The following KIF11 variants were observed in gnomAD, a reference collection of about 807,000 sequenced individuals.
KIF11 encodes the protein kinesin-like protein KIF11.
Under a neutral mutation model 121.0 loss-of-function variants are expected in KIF11, and 9 were observed. The ratio of observed to expected loss-of-function variants is 0.07; its 90% CI spans 0.04 to 0.13. The LOEUF (loss-of-function observed/expected upper bound fraction) is 0.13, where lower values mean the gene tolerates loss of function less well. KIF11 is among the 10% of genes least tolerant of loss of function. The pLI is 1.00. For synonymous variants in KIF11, 408 were observed against 421.0 expected (o/e 0.97, Z 0.38); for missense variants, 846 against 1,217.5 (o/e 0.69, Z 4.54).
rs1844907224 is a variant in KIF11 at position 92,645,349 on chromosome 10, C to T, written c.2268-14C>T. 6.3e-7 allele frequency: 1 copy of T among 1,579,566 alleles called. No homozygotes were observed. Among genetic ancestry groups the T allele is most frequent in the African/African-American group, 1.4e-5 (1 of 73,734 alleles). The stretch of plus-strand genomic sequence containing the variant: ...AATTCCCCATTTCAACAGTGTCATT[C>T]TCTTTTCCTATAGGAAATCTAAGGA... On this transcript the variant is annotated splice_polypyrimidine_tract_variant and intron_variant, in intron 17 of 21. Coordinates refer to ENST00000260731, the MANE Select transcript of KIF11 (RefSeq NM_004523.4).
At chr10:92,603,447 G>C (rs1299852083) in intron 1 of KIF11, among the ~76,000 whole-genome samples, 1 of 151,248 alleles carries the variant, frequency 6.6e-6, no homozygotes, top group Non-Finnish European at 1.5e-5. Flanking sequence ...TTTCACCCAG[G>C]CTGGAGTGTA....
chr10:92,617,938 C>T (rs958367257), intron 9 of KIF11, among the ~76,000 whole-genome samples: 6 of 152,116 alleles, frequency 3.9e-5, no homozygotes, highest in Non-Finnish European at 8.8e-5. Context: ...TGGGGTTTCA[C>T]CATGTTGGCC....
intron 18 of KIF11, among the ~76,000 whole-genome samples, chr10:92,646,043 C>G (rs1844915288): frequency 6.6e-6 from 1 of 151,556 alleles, no homozygotes; most frequent in Non-Finnish European, 1.5e-5. Flanking sequence ...CCTCCGCCTC[C>G]CAAGTTCAAG....
At chr10:92,607,109 TC>T in intron 3 of KIF11, 49 bp from the exon 4 acceptor site, 1 of 1,064,800 alleles carries the variant, frequency 9.4e-7, no homozygotes, top group Non-Finnish European at 1.5e-6. Context: ...TCACTAAGAG[TC>T]ATATGGGTGC....
At position 92,613,721 on chromosome 10, in the gene KIF11, C is replaced by G; in HGVS notation, c.1032+102C>G. The stretch of plus-strand genomic sequence containing the variant: ...TTACTAGGATGGACACAGTGACTCA[C>G]ACCTGTAAACCCAGCACTTTGGAAG... On this transcript the variant is annotated intron_variant, in intron 8 of 21. Coordinates refer to ENST00000260731, the MANE Select transcript of KIF11 (RefSeq NM_004523.4). This position sits in a 1 kb window ranked among gnomAD's most constrained non-coding sequence, Gnocchi z 4.2. 8.8e-7 allele frequency: 1 copy of G among 1,133,188 alleles called. No homozygotes were observed. The highest frequency in any genetic ancestry group is 1.6e-5 in the African/African-American group (1 of 63,740). 70.2% of individuals were successfully genotyped at this position (1,133,188 alleles called of 1,614,324 possible).
intron 6 of KIF11, among the ~76,000 whole-genome samples, chr10:92,609,814 G>A (rs1844474971): frequency 6.6e-6 from 1 of 152,026 alleles, no homozygotes; most frequent in South Asian, 2.1e-4. Flanking sequence ...TTGACTCACT[G>A]CAACCTCTGC....
chr10:92,640,970 ACTC>A (rs1455375346), intron 17 of KIF11, among the ~76,000 whole-genome samples: 1 of 140,132 alleles, frequency 7.1e-6, no homozygotes, highest in Non-Finnish European at 1.5e-5. Flanking sequence ...CTGATCTTGA[ACTC>A]CTGGTCTCAA....
At chr10:92,622,092 A>G (rs534898706) in intron 10 of KIF11, among the ~76,000 whole-genome samples, 1 of 152,066 alleles carries the variant, frequency 6.6e-6, no homozygotes, top group South Asian at 2.1e-4. Context: ...TCTGACCAAC[A>G]TGGAGAAACC....
At chr10:92,607,926 G>A (rs557509492) in intron 4 of KIF11, among the ~76,000 whole-genome samples, 3 of 151,800 alleles carry the variant, frequency 2.0e-5, no homozygotes, top group African/African-American at 7.2e-5. Flanking sequence ...AGGCTGAGGC[G>A]GGCAGATCAC....
rs184451282 is a variant in KIF11, at chr10:92,625,851, C to T, written c.1218-2957C>T. ...AATAGCCACAAAAACAGTAAAATAC[C>T]TAGGAATACAACTAACCAGAGAGGT... On this transcript the variant is annotated intron_variant, in intron 10 of 21. Transcript: ENST00000260731. Among the ~76,000 whole-genome samples, 290 of 152,146 alleles carry T rather than the reference C, an allele frequency of 1.9e-3. 1 individual carries two copies. Among genetic ancestry groups the T allele is most frequent in the Non-Finnish European group, 3.3e-3 (222 of 67,998 alleles).
At chr10:92,636,616 CAAA>C (rs952252305) in intron 14 of KIF11, among the ~76,000 whole-genome samples, 2 of 148,532 alleles carry the variant, frequency 1.3e-5, no homozygotes, top group African/African-American at 5.0e-5. Flanking sequence ...AACTATATCT[CAAA>C]AAAAGAAAAA....
chr10:92,640,977 G>T (rs1304192393), intron 17 of KIF11, among the ~76,000 whole-genome samples: 1 of 150,030 alleles, frequency 6.7e-6, no homozygotes, highest in East Asian at 2.0e-4. Context: ...TGAACTCCTG[G>T]TCTCAACTGA....
chr10:92,630,120 G>T, intron 11 of KIF11, 56 bp from the exon 12 acceptor site: 1 of 880,542 alleles, frequency 1.1e-6, no homozygotes, highest in Non-Finnish European at 1.7e-6. Flanking sequence ...CTAATCTTAT[G>T]AACTAGCTAG....
intron 8 of KIF11, among the ~76,000 whole-genome samples, chr10:92,614,442 A>T (rs1425599028): frequency 1.3e-5 from 2 of 152,202 alleles, no homozygotes; most frequent in Admixed American, 6.5e-5. Context: ...TGGACATTGC[A>T]TATGAATATA....
In KIF11 at chr10:92,650,493, A is replaced by G. The variant is rs773940508; in HGVS notation, c.3015A>G (p.Ser1005=). 2 of 1,611,322 alleles carry G rather than the reference A, an allele frequency of 1.2e-6. No homozygotes were observed. Among genetic ancestry groups the G allele is most frequent in the East Asian group, 4.5e-5 (2 of 44,868 alleles). ...PSVDAGVDCS[S]IGGVPFFQHK... is the part of the protein sequence containing the mutation. ...TAGATGCTGGTGTGGATTGTTCATC[A>G]ATTGGCGGGGTTCCATTTTTCCAGG... Residue 1005 remains serine (S), a synonymous_variant, in exon 21 of 22, where the codon TCA becomes TCG. Transcript: ENST00000260731.
intron 17 of KIF11, among the ~76,000 whole-genome samples, chr10:92,642,468 G>C (rs1844875723): frequency 6.6e-6 from 1 of 152,230 alleles, no homozygotes; most frequent in South Asian, 2.1e-4. Flanking sequence ...CTTTGATCAA[G>C]TTGATTGATA....
chr10:92,641,572 G>A (rs896669888), intron 17 of KIF11, among the ~76,000 whole-genome samples: 12 of 152,102 alleles, frequency 7.9e-5, no homozygotes, highest in African/African-American at 2.7e-4. Context: ...CCCTATAGCT[G>A]CTTTCAAAAC....
At position 92,648,108 on chromosome 10, in the gene KIF11, C is replaced by CAAAAAAAAAAAAAAA. The variant is rs34357393; in HGVS notation, c.2548-90_2548-89insAAAAAAAAAAAAAAA. On this transcript the variant is annotated intron_variant, in intron 18 of 21. Coordinates refer to ENST00000260731, the MANE Select transcript of KIF11 (RefSeq NM_004523.4). ...TGGGCAACAGAGTGAGACTTGTCTCCAAAAAAAAAAAAAATTATGGAAAAG... is the reference window on the plus strand; with the variant it reads ...TGGGCAACAGAGTGAGACTTGTCTCCAAAAAAAAAAAAAAAAAAAAAAAAAAAAATTATGGAAAAG... 3.1e-3 allele frequency: 2,140 copies of CAAAAAAAAAAAAAAA among 682,252 alleles called. 7 individuals carry two copies. Among genetic ancestry groups the CAAAAAAAAAAAAAAA allele is most frequent in the African/African-American group, 5.6e-3 (224 of 39,864 alleles). 42.3% of individuals were successfully genotyped at this position (682,252 alleles called of 1,614,324 possible).
chr10:92,621,301 C>T, intron 9 of KIF11, 84 bp from the exon 10 acceptor site: 6 of 712,038 alleles, frequency 8.4e-6, no homozygotes, highest in South Asian at 8.1e-5. Flanking sequence ...AAAAGGCTAA[C>T]TTTACATTTT....
Sources: gnomAD v4.1 joint callset for allele counts (sites outside exome capture counted in the v4.1 genomes callset) on GRCh38, gnomAD v4.1.1 for gene constraint, Gnocchi (gnomAD v3.1) non-coding constraint, MANE v1.5 for transcripts, NCBI Gene and HGNC (gene_info 2026-07-23, HGNC 2026-07-21) for gene names.